The following AMTN variants were observed in gnomAD, a reference collection of about 807,000 sequenced individuals.
The protein encoded by AMTN is RSTI689.
AMTN carries 29 observed loss-of-function variants against 27.4 expected under a neutral mutation model. That is an observed-to-expected ratio of 1.06 (90% confidence interval 0.79 to 1.44). The LOEUF (loss-of-function observed/expected upper bound fraction) is 1.44, where lower values mean the gene tolerates loss of function less well. Ranked by LOEUF, AMTN falls within the 40% of genes most tolerant of loss-of-function variation. AMTN has a pLI of 0.00. For missense variants in AMTN, 247 were observed against 248.8 expected (o/e 0.99, Z 0.05); for synonymous variants, 86 against 95.7 (o/e 0.90, Z 0.59).
At position 70,531,310 on chromosome 4, in the gene AMTN, C is replaced by A; in HGVS notation, c.619+10C>A. The A allele has an allele frequency of 6.2e-7, 1 of 1,613,160 alleles. No individual in the cohort carries two copies. The highest frequency in any genetic ancestry group is 8.5e-7 in the Non-Finnish European group (1 of 1,179,260). On this transcript the variant is annotated intron_variant, in intron 8 of 8. Transcript: ENST00000339336. The stretch of plus-strand genomic sequence containing the variant: ...ACAGAATCAGCAAATGGTAAATTCT[C>A]CTAGCTTGGAACATGCTTCTTGGCT...
At position 70,529,183 on chromosome 4, in the gene AMTN, G is replaced by A. The variant is rs1331909402; in HGVS notation, c.331-1G>A. 6.4e-7 allele frequency: 1 copy of A among 1,555,006 alleles called. No homozygotes were observed. The highest frequency in any genetic ancestry group is 8.6e-7 in the Non-Finnish European group (1 of 1,156,436). The stretch of plus-strand genomic sequence containing the variant: ...AATTGTGTTTGTCATTTTGCTTTTA[G>A]GGCACTATCCTAAGCTCAGAGGAAT... On this transcript the variant is annotated splice_acceptor_variant, in intron 6 of 8. Transcript: ENST00000339336. LOFTEE classifies it high-confidence loss of function.
At chr4:70,528,254 G>A (rs1736139815) in intron 5 of AMTN, among the ~76,000 whole-genome samples, 1 of 151,864 alleles carries the variant, frequency 6.6e-6, no homozygotes. Context: ...TTTACAAATT[G>A]GAAAAGTTCC....
chr4:70,523,925 C>A lies in AMTN; in HGVS notation c.196C>A (p.Leu66Met). 6.2e-7 allele frequency: 1 copy of A among 1,612,406 alleles called. No individual in the cohort carries two copies. Among genetic ancestry groups the A allele is most frequent in the Non-Finnish European group, 8.5e-7 (1 of 1,178,524 alleles). The change falls in exon 4 of 9, where the codon CTG becomes ATG. Residue 66 changes from leucine (L) to methionine (M), a missense_variant. Leu to Met is a conservative substitution (Grantham distance 15, BLOSUM62 2). Coordinates refer to ENST00000339336, the MANE Select transcript of AMTN (RefSeq NM_212557.4). The stretch of plus-strand genomic sequence containing the variant: ...ACAGATGCTCACACTGGGGCCAGAT[C>A]TGCATCTGGTAAGTGATTGTTTATA... The part of the protein sequence containing the change: ...LTQMLTLGPD[L>M]HLLNPAAGMT...
At position 70,529,186 on chromosome 4, in the gene AMTN, C is replaced by T. The variant is rs892692808; in HGVS notation, c.333C>T (p.Gly111=). The change falls in exon 7 of 9, where the codon GGC becomes GGT. Residue 111 remains glycine (G), a splice_region_variant and synonymous_variant. Transcript: ENST00000339336. ...TGTGTTTGTCATTTTGCTTTTAGGG[C>T]ACTATCCTAAGCTCAGAGGAATTGG... ...PIFVTQLGAQ[G]TILSSEELPQ... is the part of the protein sequence containing the mutation. 1.3e-6 allele frequency: 2 copies of T among 1,557,474 alleles called. No individual in the cohort carries two copies. The highest frequency in any genetic ancestry group is 2.3e-5 in the East Asian group (1 of 43,106).
intron 4 of AMTN, among the ~76,000 whole-genome samples, 149 bp from the exon 5 acceptor site, chr4:70,524,717 ATCTTTG>A (rs1205471007): frequency 6.6e-6 from 1 of 152,242 alleles, no homozygotes; most frequent in East Asian, 1.9e-4. Flanking sequence ...TTTAAATTTC[ATCTTTG>A]TGTCTAAGTA....
At chr4:70,529,847 T>C (rs183618676) in intron 7 of AMTN, among the ~76,000 whole-genome samples, 113 of 152,318 alleles carry the variant, frequency 7.4e-4, no homozygotes, top group African/African-American at 2.6e-3. Flanking sequence ...TTTTCTATTA[T>C]GGAAAATGTA....
At chr4:70,531,386 C>T in intron 8 of AMTN, 86 bp downstream of exon 8, 1 of 1,533,316 alleles carries the variant, frequency 6.5e-7, no homozygotes, top group Non-Finnish European at 8.9e-7. Context: ...CTTGCCTTGA[C>T]AAATGCAGAT....
At chr4:70,531,391 G>A in intron 8 of AMTN, 91 bp downstream of exon 8, 2 of 1,506,806 alleles carry the variant, frequency 1.3e-6, no homozygotes, top group Non-Finnish European at 9.0e-7. Context: ...CTTGACAAAT[G>A]CAGATCTTAG....
intron 5 of AMTN, among the ~76,000 whole-genome samples, chr4:70,527,416 T>C (rs1055709767): frequency 6.6e-6 from 1 of 152,232 alleles, no homozygotes; most frequent in Non-Finnish European, 1.5e-5. Flanking sequence ...GAAATTTCCA[T>C]TTCATTTTCT....
intron 2 of AMTN, among the ~76,000 whole-genome samples, chr4:70,520,733 A>G (rs1355714707): frequency 6.6e-6 from 1 of 152,196 alleles, no homozygotes; most frequent in Non-Finnish European, 1.5e-5. Context: ...TATGAAAAAA[A>G]GATCCCAGAG....
At chr4:70,525,060 G>T (rs961535763) in intron 5 of AMTN, 99 bp downstream of exon 5, 21 of 1,118,394 alleles carry the variant, frequency 1.9e-5, no homozygotes, top group African/African-American at 1.3e-4. Flanking sequence ...TGAAAATTTT[G>T]CCCAGATTAT....
rs1736007390 is a variant in AMTN, at chr4:70,522,743, T to C, written c.55-12T>C. 2 of 1,613,604 alleles carry C rather than the reference T, an allele frequency of 1.2e-6. No individual in the cohort carries two copies. The highest frequency in any genetic ancestry group is 1.7e-6 in the Non-Finnish European group (2 of 1,179,696). On this transcript the variant is annotated splice_polypyrimidine_tract_variant and intron_variant, in intron 2 of 8. Transcript: ENST00000339336. ...TCCTGCCTCATCAAATATGTATTTG[T>C]TTTCACAAAAGCAGCTCAAACCTGC...
intron 5 of AMTN, among the ~76,000 whole-genome samples, chr4:70,525,471 A>T (rs72856102): frequency 0.011 from 1,628 of 152,294 alleles, 29 homozygotes; most frequent in African/African-American, 0.037. Context: ...AAAAAAACGA[A>T]ACCTGAAAAT....
rs1736213936 is a variant in AMTN, at chr4:70,531,182, C to A, written c.501C>A (p.Thr167=). 4 of 1,613,846 alleles carry A rather than the reference C, an allele frequency of 2.5e-6. No homozygotes were observed. Among genetic ancestry groups the A allele is most frequent in the Admixed American group, 3.3e-5 (2 of 59,964 alleles). Residue 167 remains threonine (T), a synonymous_variant, in exon 8 of 9, where the codon ACC becomes ACA. Coordinates refer to ENST00000339336, the MANE Select transcript of AMTN (RefSeq NM_212557.4). ...GAGVNPATQG[T]PAGRLPTPSG... is the part of the protein sequence containing the mutation. ...GTGTAAATCCTGCCACCCAGGGAAC[C>A]CCAGCAGGCCGCCTCCCAACTCCCA...
intron 5 of AMTN, among the ~76,000 whole-genome samples, chr4:70,527,374 T>C (rs182557203): frequency 7.2e-5 from 11 of 152,346 alleles, no homozygotes; most frequent in African/African-American, 2.6e-4. Flanking sequence ...TTTATCTTTT[T>C]GTTCTTTCCA....
chr4:70,523,950 A>G lies in AMTN; in HGVS notation c.204+17A>G, dbSNP rs1191554429. 9 of 1,598,278 alleles carry G rather than the reference A, an allele frequency of 5.6e-6. No individual in the cohort carries two copies. Among genetic ancestry groups the G allele is most frequent in the Admixed American group, 3.3e-5 (2 of 59,922 alleles). ...CTGCATCTGGTAAGTGATTGTTTAT[A>G]TTATTTTAATACCCATTGTGAAATA... On this transcript the variant is annotated intron_variant, in intron 4 of 8. Transcript: ENST00000339336.
At chr4:70,531,395 A>T in intron 8 of AMTN, 95 bp downstream of exon 8, 1 of 1,501,400 alleles carries the variant, frequency 6.7e-7, no homozygotes, top group Non-Finnish European at 9.0e-7. Context: ...ACAAATGCAG[A>T]TCTTAGTAAG....
At position 70,518,739 on chromosome 4, in the gene AMTN, A is replaced by G. The variant is rs759288816; in HGVS notation, c.-15-24A>G. On this transcript the variant is annotated intron_variant, in intron 1 of 8. Transcript: ENST00000339336. The stretch of plus-strand genomic sequence containing the variant: ...TAAAAGGAAAAAAAATACATGGAAG[A>G]GTAACACTTTTTTGTTGTTGTAGGT... 6.2e-6 allele frequency: 9 copies of G among 1,445,302 alleles called. No homozygotes were observed. In the East Asian group the frequency reaches 1.6e-4, roughly 26 times the overall value. 89.5% of individuals were successfully genotyped at this position (1,445,302 alleles called of 1,614,324 possible).
At chr4:70,524,832 G>A in intron 4 of AMTN, 40 bp from the exon 5 acceptor site, 1 of 1,586,014 alleles carries the variant, frequency 6.3e-7, no homozygotes, top group Non-Finnish European at 8.6e-7. Flanking sequence ...TGTCCAAACT[G>A]AAAAAAAATA....
Sources: allele counts gnomAD v4.1 joint callset (sites outside exome capture counted in the v4.1 genomes callset), GRCh38; gene constraint gnomAD v4.1.1; transcripts MANE v1.5; gene names NCBI Gene and HGNC (gene_info 2026-07-23, HGNC 2026-07-21).